The following KANK1 variants were observed in gnomAD, a reference collection of about 807,000 sequenced individuals.
KANK1 encodes the protein KN motif and ankyrin repeat domain-containing protein 1.
A neutral mutation model predicts 106.2 loss-of-function variants in KANK1; 109 were observed. The ratio of observed to expected loss-of-function variants is 1.03; its 90% CI spans 0.88 to 1.20. The LOEUF (loss-of-function observed/expected upper bound fraction) is 1.20, where lower values mean the gene tolerates loss of function less well. Ranked by LOEUF, KANK1 falls within the 50% of genes most tolerant of loss-of-function variation. The pLI, the probability that KANK1 is intolerant of heterozygous loss-of-function variation, is 0.00. For synonymous variants in KANK1, 873 were observed against 652.2 expected, an observed-to-expected ratio of 1.34 and a Z score of -5.16; for missense variants, 2,399 against 1,710.7, an observed-to-expected ratio of 1.40 and a Z score of -7.10.
At chr9:660,390 C>T (rs1843028816) in intron 1 of KANK1, 1 of 165,240 alleles carries the variant, frequency 6.1e-6, no homozygotes, top group East Asian at 1.7e-4. Context: ...TCCTTTCTGT[C>T]CCTTGTCACA....
At chr9:697,242 G>C (rs1346839031) in intron 2 of KANK1, among the ~76,000 whole-genome samples, 5 of 152,088 alleles carry the variant, frequency 3.3e-5, no homozygotes, top group African/African-American at 1.2e-4. Context: ...TTCAGGCAGG[G>C]TCCAGGCCAT....
intron 3 of KANK1, among the ~76,000 whole-genome samples, chr9:489,884 T>C (rs1412129801): frequency 6.6e-6 from 1 of 152,198 alleles, no homozygotes; most frequent in Non-Finnish European, 1.5e-5. Context: ...AAAGTTAGAT[T>C]GAATGCTGAC....
intron 2 of KANK1, among the ~76,000 whole-genome samples, chr9:692,048 A>C (rs1820071233): frequency 6.6e-6 from 1 of 152,118 alleles, no homozygotes; most frequent in South Asian, 2.1e-4. Context: ...AATAAAACAG[A>C]GATCAACAAA....
chr9:740,514 C>CCAAG (rs1319862900), intron 8 of KANK1, among the ~76,000 whole-genome samples: 1 of 152,218 alleles, frequency 6.6e-6, no homozygotes, highest in East Asian at 1.9e-4. Flanking sequence ...ACCCTGACTT[C>CCAAG]CAAGCCATTG....
At chr9:681,564 A>C (rs1244045850) in intron 2 of KANK1, among the ~76,000 whole-genome samples, 2 of 152,174 alleles carry the variant, frequency 1.3e-5, no homozygotes, top group Non-Finnish European at 2.9e-5. Flanking sequence ...TAGCTATCCT[A>C]CCTTCTTCAC....
chr9:669,320 A>T (rs901076282), intron 1 of KANK1, among the ~76,000 whole-genome samples: 1 of 152,132 alleles, frequency 6.6e-6, no homozygotes, highest in African/African-American at 2.4e-5. Flanking sequence ...TATACCTTCA[A>T]ATGTTTTCTT....
intron 1 of KANK1, chr9:660,189 C>T (rs1842985567): frequency 6.7e-6 from 2 of 297,328 alleles, no homozygotes; most frequent in Non-Finnish European, 7.1e-6. Flanking sequence ...AAGAAATTTG[C>T]CTGCAATGAT....
Position 710,793 on chromosome 9 carries a change from C to G in KANK1, c.38-11C>G. 6.4e-7 allele frequency: 1 copy of G among 1,559,464 alleles called. No individual in the cohort carries two copies. Among genetic ancestry groups the G allele is most frequent in the Non-Finnish European group, 8.6e-7 (1 of 1,158,062 alleles). ...GCATGTCATTATAATATTCTTTTCT[C>G]CCTCTTCTAGGAAAAGCAGGTGATA... On this transcript the variant is annotated splice_polypyrimidine_tract_variant and intron_variant, in intron 2 of 11. Transcript: ENST00000382297.
chr9:617,386 A>G (rs989063201), intron 1 of KANK1, among the ~76,000 whole-genome samples: 3 of 152,176 alleles, frequency 2.0e-5, no homozygotes, highest in African/African-American at 7.2e-5. Context: ...GCAAATGTCT[A>G]AAACCTATGT....
chr9:487,185 C>T (rs190115886), intron 3 of KANK1, among the ~76,000 whole-genome samples: 1 of 152,138 alleles, frequency 6.6e-6, no homozygotes, highest in Non-Finnish European at 1.5e-5. Context: ...AGACAGTTCC[C>T]AACTTACAAT....
At chr9:614,253 G>T (rs532982269) in intron 1 of KANK1, among the ~76,000 whole-genome samples, 1 of 152,082 alleles carries the variant, frequency 6.6e-6, no homozygotes, top group Non-Finnish European at 1.5e-5. Context: ...ATAATTTTTC[G>T]ACCCTCAGTG....
chr9:470,667 C>T (rs1462891456), exon 2 of KANK1: 1 of 152,352 alleles, frequency 6.6e-6, no homozygotes, highest in Non-Finnish European at 1.5e-5. Context: ...CACGCGTGCA[C>T]ACAGCCACGA....
At chr9:491,856 C>T (rs1284807311) in intron 3 of KANK1, among the ~76,000 whole-genome samples, 1 of 152,112 alleles carries the variant, frequency 6.6e-6, no homozygotes, top group East Asian at 1.9e-4. Flanking sequence ...TTAAGTCTCA[C>T]AAGATCTGAT....
intron 2 of KANK1, among the ~76,000 whole-genome samples, chr9:688,065 T>C (rs753323305): frequency 1.3e-5 from 2 of 152,174 alleles, no homozygotes; most frequent in Non-Finnish European, 2.9e-5. Flanking sequence ...GCCTAAGAAT[T>C]TGTGGGCCTG....
chr9:545,948 A>T (rs867322223), intron 1 of KANK1, among the ~76,000 whole-genome samples: 1 of 151,856 alleles, frequency 6.6e-6, no homozygotes, highest in Non-Finnish European at 1.5e-5. Flanking sequence ...GGGTTTTGCT[A>T]TGTTGGCCAG....
At chr9:481,483 A>C (rs1433699310) in intron 3 of KANK1, among the ~76,000 whole-genome samples, 2 of 152,214 alleles carry the variant, frequency 1.3e-5, no homozygotes, top group African/African-American at 4.8e-5. Flanking sequence ...CAAACACATT[A>C]ACCTCTGTGG....
At chr9:619,211 A>G (rs1161126693) in intron 1 of KANK1, among the ~76,000 whole-genome samples, 5 of 152,190 alleles carry the variant, frequency 3.3e-5, no homozygotes, top group East Asian at 1.9e-4. Flanking sequence ...GTGCTTTTGA[A>G]TTTCAGAGAG....
chr9:471,918 T>C (rs899708836), intron 2 of KANK1, among the ~76,000 whole-genome samples: 1 of 152,144 alleles, frequency 6.6e-6, no homozygotes, highest in Non-Finnish European at 1.5e-5. Flanking sequence ...CACCAGGGAC[T>C]GCGGCTGACT....
chr9:475,973 C>T (rs1389263269), intron 3 of KANK1, among the ~76,000 whole-genome samples: 1 of 151,910 alleles, frequency 6.6e-6, no homozygotes, highest in Non-Finnish European at 1.5e-5. Flanking sequence ...CTACCTCAGC[C>T]TCCCGAGTAG....
Sources: gnomAD v4.1 joint callset for allele counts (sites outside exome capture counted in the v4.1 genomes callset) on GRCh38, gnomAD v4.1.1 for gene constraint, MANE v1.5 for transcripts, NCBI Gene and HGNC (gene_info 2026-07-23, HGNC 2026-07-21) for gene names.